The following RAB5A variants were observed in gnomAD, a reference collection of about 807,000 sequenced individuals.
The protein encoded by RAB5A is ras-related protein Rab-5A.
A neutral mutation model predicts 25.7 loss-of-function variants in RAB5A; 8 were observed. The observed-to-expected ratio is 0.31, with a 90% confidence interval of 0.18 to 0.56. RAB5A has a LOEUF of 0.56. Ranked by LOEUF, RAB5A falls within the 20% of genes least tolerant of loss-of-function variation. The pLI, the probability that RAB5A is intolerant of heterozygous loss-of-function variation, is 0.91. For synonymous variants in RAB5A, 98 were observed against 89.8 expected, an observed-to-expected ratio of 1.09 and a Z score of -0.52; for missense variants, 192 against 259.7, an observed-to-expected ratio of 0.74 and a Z score of 1.79.
intron 2 of RAB5A, among the ~76,000 whole-genome samples, chr3:19,969,998 CACCAT>C: frequency 7.0e-6 from 1 of 143,586 alleles, no homozygotes; most frequent in Non-Finnish European, 1.5e-5. Context: ...GACGGGTTTT[CACCAT>C]GTTGGTCAGG....
At chr3:19,965,122 A>C (rs1219253399) in intron 2 of RAB5A, among the ~76,000 whole-genome samples, 1 of 152,000 alleles carries the variant, frequency 6.6e-6, no homozygotes, top group Non-Finnish European at 1.5e-5. Flanking sequence ...GGGTTTCACC[A>C]TGTTGGCCAG....
At chr3:19,965,247 C>T (rs925904170) in intron 2 of RAB5A, among the ~76,000 whole-genome samples, 1 of 151,978 alleles carries the variant, frequency 6.6e-6, no homozygotes, top group Admixed American at 6.6e-5. Context: ...AAACAATGTG[C>T]ATCAGTATGT....
intron 2 of RAB5A, among the ~76,000 whole-genome samples, chr3:19,952,715 A>G (rs1696441392): frequency 6.6e-6 from 1 of 152,224 alleles, no homozygotes; most frequent in South Asian, 2.1e-4. Flanking sequence ...GCATTTTAAA[A>G]AATGTTAATA....
chr3:19,952,798 G>A (rs184619302), intron 2 of RAB5A, among the ~76,000 whole-genome samples: 216 of 151,240 alleles, frequency 1.4e-3, no homozygotes, highest in African/African-American at 4.9e-3. Flanking sequence ...TGTTGTTGTT[G>A]TTGTTATTGT....
At chr3:19,963,928 CT>C (rs1696626506) in intron 2 of RAB5A, among the ~76,000 whole-genome samples, 1 of 152,182 alleles carries the variant, frequency 6.6e-6, no homozygotes, top group South Asian at 2.1e-4. Flanking sequence ...GTGTGAGCCA[CT>C]GTGCCCAGCC....
chr3:19,956,856 A>T (rs753597524), intron 2 of RAB5A, among the ~76,000 whole-genome samples: 1 of 151,512 alleles, frequency 6.6e-6, no homozygotes, highest in South Asian at 2.1e-4. Flanking sequence ...GTCATGACAT[A>T]CTATTATCTT....
Position 19,947,253 on chromosome 3 carries a change from C to G in RAB5A, c.-362C>G, listed in dbSNP as rs1410063305. 1.8e-5 allele frequency: 3 copies of G among 163,520 alleles called. No individual in the cohort carries two copies. The highest frequency in any genetic ancestry group is 5.3e-5 in the African/African-American group (2 of 37,462). The allele number at this position is 163,520 out of a possible 1,614,324, so 10.1% of individuals were successfully genotyped here. A position where few individuals can be genotyped will look rare whatever the true frequency, so the allele number is the denominator to read the frequency against. On this transcript the variant is annotated 5_prime_UTR_variant, in exon 1 of 6. Transcript: ENST00000273047. Reference sequence around the variant, plus strand: ...GGGAGGAGGAGGAGGAAGAATTAGTCGGAACTCCAGCGCCGGCGGCGGCGG... The same window carrying G: ...GGGAGGAGGAGGAGGAAGAATTAGTGGGAACTCCAGCGCCGGCGGCGGCGG...
chr3:19,964,429 C>T (rs1261575571), intron 2 of RAB5A, among the ~76,000 whole-genome samples: 2 of 152,192 alleles, frequency 1.3e-5, no homozygotes, highest in Middle Eastern at 3.4e-3. Flanking sequence ...CATTCTTCTT[C>T]CCAATTCAGT....
chr3:19,970,784 ATTTG>A (rs1184289521), intron 2 of RAB5A: 55 of 299,752 alleles, frequency 1.8e-4, no homozygotes, highest in Middle Eastern at 2.2e-3. Flanking sequence ...CAGTGGCAGA[ATTTG>A]TTTACGTAAC....
chr3:19,961,204 C>T (rs1182923466), intron 2 of RAB5A, among the ~76,000 whole-genome samples: 1 of 152,144 alleles, frequency 6.6e-6, no homozygotes, highest in East Asian at 1.9e-4. Flanking sequence ...TCAGAAGTTT[C>T]ATCTGTACCT....
intron 2 of RAB5A, among the ~76,000 whole-genome samples, chr3:19,965,447 C>T (rs1185962313): frequency 1.3e-5 from 2 of 150,992 alleles, no homozygotes; most frequent in Non-Finnish European, 2.9e-5. Context: ...CTTAGGGCGA[C>T]GATGTTCAGC....
chr3:19,968,345 T>C (rs1696689684), intron 2 of RAB5A, among the ~76,000 whole-genome samples: 1 of 152,134 alleles, frequency 6.6e-6, no homozygotes, highest in Admixed American at 6.5e-5. Flanking sequence ...TTGAAAAAAA[T>C]AGCACATCGA....
At chr3:19,983,197 G>A (rs1373719141) in intron 5 of RAB5A, among the ~76,000 whole-genome samples, 2 of 151,938 alleles carry the variant, frequency 1.3e-5, no homozygotes, top group African/African-American at 4.8e-5. Flanking sequence ...TTAGCTGGGT[G>A]TGGTGGGGCA....
In RAB5A at chr3:19,975,581, T is replaced by C. The variant is rs368852137; in HGVS notation, c.164-20T>C. On this transcript the variant is annotated intron_variant, in intron 2 of 5. Transcript: ENST00000273047. ...CATTTGGAGAAAAATGATTGACTTATTGTAGTCCTTTTCTTTCAGCTGCTT... is the reference window on the plus strand; with the variant it reads ...CATTTGGAGAAAAATGATTGACTTACTGTAGTCCTTTTCTTTCAGCTGCTT... The C allele has an allele frequency of 4.5e-5, 73 of 1,608,730 alleles. 1 individual carries two copies. The African/African-American group carries it at 8.7e-4, about 19-fold the overall frequency.
intron 2 of RAB5A, among the ~76,000 whole-genome samples, chr3:19,952,097 C>G (rs1391116748): frequency 6.6e-6 from 1 of 151,936 alleles, no homozygotes; most frequent in African/African-American, 2.4e-5. Flanking sequence ...TCCTGTAGTC[C>G]CAGGTATTTG....
chr3:19,959,679 G>A (rs1696558056), intron 2 of RAB5A, among the ~76,000 whole-genome samples: 1 of 144,914 alleles, frequency 6.9e-6, no homozygotes, highest in Admixed American at 7.3e-5. Context: ...CCAGGGTGAA[G>A]TGCAATGATG....
intron 2 of RAB5A, among the ~76,000 whole-genome samples, chr3:19,969,556 A>T (rs1696713790): frequency 6.6e-6 from 1 of 152,208 alleles, no homozygotes; most frequent in African/African-American, 2.4e-5. Flanking sequence ...AATTTTTCTC[A>T]TTAGGTTTGC....
At chr3:19,972,617 C>T (rs1039723442) in intron 2 of RAB5A, among the ~76,000 whole-genome samples, 15 of 152,102 alleles carry the variant, frequency 9.9e-5, no homozygotes, top group Admixed American at 5.9e-4. Context: ...GGAAGAATCT[C>T]GTGTGTTTAT....
chr3:19,980,173 A>G (rs1346811324), intron 5 of RAB5A: 4 of 152,204 alleles, frequency 2.6e-5, no homozygotes, highest in Non-Finnish European at 5.9e-5. Context: ...CCAGAATCAC[A>G]TCTGAAAAGT....
Sources: gnomAD v4.1 joint callset for allele counts (sites outside exome capture counted in the v4.1 genomes callset) on GRCh38, gnomAD v4.1.1 for gene constraint, MANE v1.5 for transcripts, NCBI Gene and HGNC (gene_info 2026-07-23, HGNC 2026-07-21) for gene names.